Variants in ARSL observed in about 807,000 individuals in gnomAD.
The protein encoded by ARSL is arylsulfatase E (chondrodysplasia punctata 1).
ARSL carries 4 observed loss-of-function variants against 31.1 expected under a neutral mutation model. That is an observed-to-expected ratio of 0.13 (90% CI 0.06 to 0.29). The LOEUF (loss-of-function observed/expected upper bound fraction) is 0.29, where lower values mean the gene tolerates loss of function less well. Ranked by LOEUF, ARSL falls within the 10% of genes least tolerant of loss-of-function variation. ARSL has a pLI of 1.00. For synonymous variants in ARSL, 198 were observed against 209.9 expected, an observed-to-expected ratio of 0.94 and a Z score of 0.49; for missense variants, 312 against 497.8, an observed-to-expected ratio of 0.63 and a Z score of 3.55.
intron 6 of ARSL, among the ~76,000 whole-genome samples, chrX:2,948,107 C>T (rs937994581): frequency 9.0e-6 from 1 of 110,725 alleles, no homozygotes; most frequent in African/African-American, 3.3e-5. Context: ...GGCCATAGCT[C>T]GAGACTCTGT....
intron 8 of ARSL, 97 bp from the exon 9 acceptor site, chrX:2,938,354 G>A: frequency 9.3e-7 from 1 of 1,077,814 alleles, no homozygotes; most frequent in Non-Finnish European, 1.2e-6. Flanking sequence ...CTTGTTTGAA[G>A]TTTCTCTCTC....
rs2089677802 is a variant in ARSL, at chrX:2,964,263, G to T, written c.-60C>A. On this transcript the variant is annotated 5_prime_UTR_variant, in exon 1 of 11. Coordinates refer to ENST00000381134, the MANE Select transcript of ARSL (RefSeq NM_000047.3). ...TCCTTCCTGAATCCCCGATCAAGAA[G>T]AGGAAGGTTCTCTCCCAAAGGAAGC... 2.7e-6 allele frequency: 2 copies of T among 754,233 alleles called. No homozygotes were observed. The highest frequency in any genetic ancestry group is 3.1e-6 in the Non-Finnish European group (2 of 639,369). 62.2% of individuals were successfully genotyped at this position (754,233 alleles called of 1,213,427 possible).
chrX:2,959,602 C>A, intron 2 of ARSL: 1 of 1,149,139 alleles, frequency 8.7e-7, no homozygotes, highest in Non-Finnish European at 1.1e-6. Flanking sequence ...TTGATGCCCA[C>A]CTGATTTGCA....
chrX:2,945,062 A>T (rs745790424), intron 7 of ARSL, among the ~76,000 whole-genome samples: 1 of 110,543 alleles, frequency 9.0e-6, no homozygotes, highest in South Asian at 4.0e-4. Flanking sequence ...AGGAGGAGGA[A>T]AACAAAGGCA....
At chrX:2,945,717 GCAGC>G (rs766681283) in intron 7 of ARSL, among the ~76,000 whole-genome samples, 22 of 111,620 alleles carry the variant, frequency 2.0e-4, no homozygotes, top group African/African-American at 6.8e-4. Context: ...GGATGTCTCT[GCAGC>G]CATTATTCTG....
intron 3 of ARSL, among the ~76,000 whole-genome samples, chrX:2,957,074 A>G (rs1195007675): frequency 9.3e-6 from 1 of 107,209 alleles, no homozygotes; most frequent in Non-Finnish European, 1.9e-5. Context: ...ACAAAAAATT[A>G]GCGGGGTGTG....
chrX:2,944,310 C>T (rs1478176197), intron 7 of ARSL, among the ~76,000 whole-genome samples: 5 of 109,072 alleles, frequency 4.6e-5, no homozygotes, highest in Non-Finnish European at 9.5e-5. Flanking sequence ...AAAAATTAGC[C>T]AGGCATGGTG....
In ARSL at chrX:2,964,324, G is replaced by A. The variant is rs1175267926; in HGVS notation, c.-121C>T. ...GCAGAGAGCACTTGCACAAGGCTTT[G>A]AGCTGGGAATGATTAACTTCGAGTT... is the stretch of plus-strand genomic sequence containing the variant. On this transcript the variant is annotated 5_prime_UTR_variant, in exon 1 of 11. Coordinates refer to ENST00000381134, the MANE Select transcript of ARSL (RefSeq NM_000047.3). The A allele has an allele frequency of 1.3e-6, 1 of 752,056 alleles. No homozygotes were observed. Among genetic ancestry groups the A allele is most frequent in the East Asian group, 1.5e-4 (1 of 6,577 alleles). 62.0% of individuals were successfully genotyped at this position (752,056 alleles called of 1,213,427 possible). A position where few individuals can be genotyped will look rare whatever the true frequency, so the allele number is the denominator to read the frequency against.
At chrX:2,966,417 TA>T (rs1286668620), upstream of ARSL, among the ~76,000 whole-genome samples, 1 of 109,425 alleles carries the variant, frequency 9.1e-6, no homozygotes, top group Non-Finnish European at 1.9e-5. Context: ...TATATATTCA[TA>T]ATTATTATAT....
At chrX:2,960,823 A>G (rs1450894543) in intron 1 of ARSL, among the ~76,000 whole-genome samples, 1 of 111,347 alleles carries the variant, frequency 9.0e-6, no homozygotes, top group Non-Finnish European at 1.9e-5. Flanking sequence ...CCTAATGTCC[A>G]GAAATGCAGA....
intron 4 of ARSL, among the ~76,000 whole-genome samples, chrX:2,954,374 C>A (rs2089498490): frequency 1.8e-5 from 2 of 112,028 alleles, no homozygotes; most frequent in African/African-American, 6.5e-5. Flanking sequence ...CGGCTCACTG[C>A]AATCTCCGCC....
intron 1 of ARSL, among the ~76,000 whole-genome samples, chrX:2,963,953 G>A (rs1477858277): frequency 9.0e-6 from 1 of 111,458 alleles, no homozygotes; most frequent in Non-Finnish European, 1.9e-5. Context: ...AGCCTTGAAT[G>A]AGTTTAATTT....
At chrX:2,960,641 C>G (rs747559365) in intron 1 of ARSL, among the ~76,000 whole-genome samples, 2 of 112,024 alleles carry the variant, frequency 1.8e-5, no homozygotes, top group Non-Finnish European at 3.8e-5. Context: ...AAACGTGTTT[C>G]AATACACAGC....
chrX:2,943,203 C>T lies in ARSL; in HGVS notation c.992-4G>A. The T allele has an allele frequency of 8.3e-7, 1 of 1,210,179 alleles. No homozygotes were observed. Among genetic ancestry groups the T allele is most frequent in the Non-Finnish European group, 1.1e-6 (1 of 895,119 alleles). Reference sequence around the variant, plus strand: ...TCCAAAGTGTCAAGGATCCGTCCTGCAAAGAACAGATGTTTTTGGGGCCGT... The same window carrying T: ...TCCAAAGTGTCAAGGATCCGTCCTGTAAAGAACAGATGTTTTTGGGGCCGT... On this transcript the variant is annotated splice_polypyrimidine_tract_variant and splice_region_variant and intron_variant, in intron 7 of 10. Coordinates refer to ENST00000381134, the MANE Select transcript of ARSL (RefSeq NM_000047.3).
At chrX:2,967,238 C>T (rs780092590), upstream of ARSL, among the ~76,000 whole-genome samples, 1 of 111,344 alleles carries the variant, frequency 9.0e-6, no homozygotes, top group African/African-American at 3.3e-5. Context: ...AGTCATATGA[C>T]GTACGGTTAG....
In ARSL at chrX:2,963,414, C is replaced by T. The variant is rs1236261325; in HGVS notation, c.-21+810G>A. On this transcript the variant is annotated intron_variant, in intron 1 of 10. Transcript: ENST00000381134. ...TACTGTACAAATGTAATGAGAAAAC[C>T]CCAAACCACCACAAACTAGGGGAAG... Among the ~76,000 whole-genome samples, 6 of 110,685 alleles carry T rather than the reference C, an allele frequency of 5.4e-5. No homozygotes were observed. In the South Asian group the frequency reaches 1.6e-3, roughly 29 times the overall value.
rs2089302143 is a variant in ARSL, at chrX:2,943,059, T to C, written c.1126+6A>G. On this transcript the variant is annotated splice_donor_region_variant and intron_variant, in intron 8 of 10. Transcript: ENST00000381134. The stretch of plus-strand genomic sequence containing the variant: ...AGATGAAGATCTGGGAGCATCTCAG[T>C]CTTACCTTTATAAATTCCATTCCAG... 1 of 1,210,873 alleles carries C rather than the reference T, an allele frequency of 8.3e-7. No homozygotes were observed. The highest frequency in any genetic ancestry group is 1.1e-6 in the Non-Finnish European group (1 of 895,122).
intron 2 of ARSL, chrX:2,959,666 G>A (rs1203654129): frequency 8.7e-7 from 1 of 1,153,196 alleles, no homozygotes; most frequent in South Asian, 1.9e-5. Context: ...CAAATCAAGG[G>A]AGCCTGGAGC....
At chrX:2,967,665 C>T (rs768642603), upstream of ARSL, among the ~76,000 whole-genome samples, 1 of 112,308 alleles carries the variant, frequency 8.9e-6, no homozygotes, top group East Asian at 2.8e-4. Flanking sequence ...AAGAAGCAGA[C>T]GAGGAAACAC....
Sources: gnomAD v4.1 joint callset for allele counts (sites outside exome capture counted in the v4.1 genomes callset) on GRCh38, gnomAD v4.1.1 for gene constraint, MANE v1.5 for transcripts, NCBI Gene and HGNC (gene_info 2026-07-23, HGNC 2026-07-21) for gene names.